SLC8A1: variants seen among roughly 807,000 people sequenced by gnomAD.
SLC8A1 encodes the protein sodium/calcium exchanger 1.
Under a neutral mutation model 68.3 loss-of-function variants are expected in SLC8A1, and 18 were observed. That is an observed-to-expected ratio of 0.26 (90% confidence interval 0.18 to 0.39). The LOEUF (loss-of-function observed/expected upper bound fraction) is 0.39. Ranked by LOEUF, SLC8A1 falls within the 10% of genes least tolerant of loss-of-function variation. SLC8A1 has a pLI of 1.00. For synonymous variants in SLC8A1, 475 were observed against 415.5 expected, an observed-to-expected ratio of 1.14 and a Z score of -1.74; for missense variants, 985 against 1,156.7, an observed-to-expected ratio of 0.85 and a Z score of 2.15.
In SLC8A1 at chr2:40,491,739, A is replaced by G. The variant is rs1705329808; in HGVS notation, c.-25+20610T>C. Reference sequence around the variant, plus strand: ...CTTTTCTGCATCTATTGAGAGAACCATGTGGTTTTTGTCTTTGGTTCTGTT... The same window carrying G: ...CTTTTCTGCATCTATTGAGAGAACCGTGTGGTTTTTGTCTTTGGTTCTGTT... On this transcript the variant is annotated intron_variant, in intron 1 of 7. Transcript: ENST00000402441. Among the ~76,000 whole-genome samples the G allele has an allele frequency of 2.0e-5, 3 of 152,154 alleles. No individual in the cohort carries two copies. In the South Asian group the frequency reaches 6.2e-4, roughly 31 times the overall value.
chr2:40,311,264 G>A (rs766699043), intron 2 of SLC8A1, among the ~76,000 whole-genome samples: 3 of 151,850 alleles, frequency 2.0e-5, no homozygotes, highest in Non-Finnish European at 4.4e-5. Context: ...AAAATTAGTA[G>A]GTCAAAAGGA....
chr2:40,150,445 T>C (rs915032497), intron 6 of SLC8A1, among the ~76,000 whole-genome samples: 2 of 152,186 alleles, frequency 1.3e-5, no homozygotes, highest in African/African-American at 2.4e-5. Context: ...GAAAACAGCA[T>C]ACAAAGGCTC....
At chr2:40,098,218 TACATTGAATC>T (rs1457347516) in exon 8 of SLC8A1, 2 of 152,072 alleles carry the variant, frequency 1.3e-5, no homozygotes, top group African/African-American at 4.8e-5. Flanking sequence ...TGGCTGAGTG[TACATTGAATC>T]ACAGAGTCAA....
intron 2 of SLC8A1, among the ~76,000 whole-genome samples, chr2:40,266,956 T>A (rs1353729855): frequency 1.3e-5 from 2 of 152,140 alleles, no homozygotes; most frequent in Non-Finnish European, 2.9e-5. Context: ...TTAGGTCCCA[T>A]AGAACTGGAT....
At chr2:40,506,942 A>T (rs969489254) in intron 1 of SLC8A1, among the ~76,000 whole-genome samples, 3 of 151,906 alleles carry the variant, frequency 2.0e-5, no homozygotes, top group African/African-American at 7.2e-5. Flanking sequence ...TTACAAAAGT[A>T]CAACTGAGCA....
At chr2:40,253,094 T>C (rs2063184036) in intron 2 of SLC8A1, among the ~76,000 whole-genome samples, 4 of 109,064 alleles carry the variant, frequency 3.7e-5, no homozygotes, top group Non-Finnish European at 7.2e-5. Flanking sequence ...ATGTATATAG[T>C]ATATATACAT....
chr2:40,316,777 G>A (rs2074509504), intron 2 of SLC8A1, among the ~76,000 whole-genome samples: 1 of 151,902 alleles, frequency 6.6e-6, no homozygotes, highest in East Asian at 1.9e-4. Flanking sequence ...CCCAATTTGT[G>A]TTTTATCTCA....
chr2:40,507,713 A>G (rs992633609), intron 1 of SLC8A1, among the ~76,000 whole-genome samples: 2 of 152,046 alleles, frequency 1.3e-5, no homozygotes, highest in African/African-American at 4.8e-5. Context: ...CAGTGTTTCC[A>G]TCTGTAAAAT....
Position 40,382,978 on chromosome 2 carries a change from T to C in SLC8A1, c.1808+45495A>G, listed in dbSNP as rs184081203. On this transcript the variant is annotated intron_variant, in intron 2 of 7. Transcript: ENST00000406785. ...CTATATTTGCTTTTATACTATTTAATACACAACCTGTCTTATGGCATTTAT... is the reference window on the plus strand; with the variant it reads ...CTATATTTGCTTTTATACTATTTAACACACAACCTGTCTTATGGCATTTAT... Among the ~76,000 whole-genome samples, 197 of 152,286 alleles carry C rather than the reference T, an allele frequency of 1.3e-3. 3 individuals are homozygous for C. The highest frequency in any genetic ancestry group is 0.013 in the Admixed American group (195 of 15,286).
chr2:40,399,954 T>TA (rs952841164), intron 2 of SLC8A1, among the ~76,000 whole-genome samples: 9 of 152,226 alleles, frequency 5.9e-5, no homozygotes, highest in African/African-American at 2.2e-4. Flanking sequence ...ACCCCTGACC[T>TA]AATCGGTTAT....
chr2:40,409,765 C>T (rs1559562137), intron 2 of SLC8A1, among the ~76,000 whole-genome samples: 1 of 152,122 alleles, frequency 6.6e-6, no homozygotes, highest in African/African-American at 2.4e-5. Flanking sequence ...GCCACATCAT[C>T]CACCATTATC....
In SLC8A1 at chr2:40,483,047, G is replaced by A. The variant is rs554767833; in HGVS notation, c.-25+29302C>T. Among the ~76,000 whole-genome samples the A allele has an allele frequency of 8.0e-5, 12 of 149,158 alleles. No homozygotes were observed. The South Asian group carries it at 1.5e-3, about 18-fold the overall frequency. On this transcript the variant is annotated intron_variant, in intron 1 of 7. Transcript: ENST00000402441. Reference sequence around the variant, plus strand: ...TCTCAATCTCCTCACCTCGTGATCCGCCCGCCTCGGGCTCCCAAAGGGCTG... The same window carrying A: ...TCTCAATCTCCTCACCTCGTGATCCACCCGCCTCGGGCTCCCAAAGGGCTG...
At chr2:40,139,994 T>C (rs1418231843) in intron 6 of SLC8A1, among the ~76,000 whole-genome samples, 1 of 152,198 alleles carries the variant, frequency 6.6e-6, no homozygotes, top group Non-Finnish European at 1.5e-5. Flanking sequence ...ATGAAAATGA[T>C]TTATTCCAAA....
chr2:40,429,141 C>T (rs1403064345), exon 2 of SLC8A1: 5 of 1,612,986 alleles, frequency 3.1e-6, no homozygotes, highest in Admixed American at 1.7e-5. Context: ...CTGCATGCCT[C>T]TTTAAAATGT....
intron 2 of SLC8A1, among the ~76,000 whole-genome samples, chr2:40,224,681 C>T (rs2148861991): frequency 6.6e-6 from 1 of 152,218 alleles, no homozygotes; most frequent in South Asian, 2.1e-4. Context: ...TTTAAAGCTG[C>T]ACAAGTGATT....
intron 7 of SLC8A1, chr2:40,118,607 GTTTTTTTTTTTTTTTTTTT>G (rs67851517): frequency 1.3e-5 from 1 of 74,712 alleles, no homozygotes; most frequent in Non-Finnish European, 2.3e-5. Context: ...AAAAAAGGAA[GTTTTTTTTTTTTTTTTTTT>G]TTTTTTTTTT....
At chr2:40,393,057 T>C (rs1460966228) in intron 2 of SLC8A1, among the ~76,000 whole-genome samples, 1 of 152,072 alleles carries the variant, frequency 6.6e-6, no homozygotes, top group Admixed American at 6.6e-5. Flanking sequence ...CAGTGTTTCA[T>C]CTTTAGCTGA....
chr2:40,274,922 T>C (rs149277388), intron 2 of SLC8A1, among the ~76,000 whole-genome samples: 9 of 152,306 alleles, frequency 5.9e-5, no homozygotes, highest in Non-Finnish European at 1.3e-4. Context: ...GGAAGCTATA[T>C]ATAGATACAA....
intron 2 of SLC8A1, among the ~76,000 whole-genome samples, chr2:40,207,471 T>C (rs62148795): frequency 0.055 from 8,371 of 152,148 alleles, 573 homozygotes; most frequent in African/African-American, 0.16. Context: ...GAATAAGTTC[T>C]ACAGAACTCA....
Sources: allele counts gnomAD v4.1 joint callset (sites outside exome capture counted in the v4.1 genomes callset), GRCh38; gene constraint gnomAD v4.1.1; transcripts MANE v1.5; gene names NCBI Gene and HGNC (gene_info 2026-07-23, HGNC 2026-07-21).